CBFB: variants seen among roughly 807,000 people sequenced by gnomAD.
The protein encoded by CBFB is CBF-beta.
In CBFB, 9 loss-of-function variants were observed where a neutral mutation model predicts 30.4. The ratio of observed to expected loss-of-function variants is 0.30; its 90% CI spans 0.18 to 0.52. The LOEUF (loss-of-function observed/expected upper bound fraction) is 0.52. CBFB is among the 20% of genes least tolerant of loss of function. The pLI is 0.97. For missense variants in CBFB, 170 were observed against 244.0 expected (o/e 0.70, Z 2.02); for synonymous variants, 94 against 84.0 (o/e 1.12, Z -0.65).
At chr16:67,051,912 TAC>T (rs112469458) in intron 3 of CBFB, among the ~76,000 whole-genome samples, 13,192 of 143,508 alleles carry the variant, frequency 0.092, 968 homozygotes, top group African/African-American at 0.21. Context: ...TATATGTGTA[TAC>T]ACACACACAC....
chr16:67,048,540 A>G (rs905692711), intron 3 of CBFB, among the ~76,000 whole-genome samples: 3 of 151,926 alleles, frequency 2.0e-5, no homozygotes, highest in African/African-American at 7.3e-5. Context: ...CAATTACACA[A>G]CTGAATGGTG....
intron 2 of CBFB, among the ~76,000 whole-genome samples, chr16:67,031,551 C>T (rs1384469323): frequency 6.6e-6 from 1 of 152,200 alleles, no homozygotes; most frequent in African/African-American, 2.4e-5. Context: ...GCTCTGTTAC[C>T]CAGGCTGGAA....
chr16:67,069,310 C>G (rs528390449), intron 4 of CBFB, among the ~76,000 whole-genome samples: 1 of 151,388 alleles, frequency 6.6e-6, no homozygotes, highest in African/African-American at 2.4e-5. Flanking sequence ...GCAGAGGTTG[C>G]AGCAAGCCAA....
At chr16:67,078,381 C>G (rs1961466113) in intron 4 of CBFB, among the ~76,000 whole-genome samples, 1 of 152,036 alleles carries the variant, frequency 6.6e-6, no homozygotes, top group African/African-American at 2.4e-5. Context: ...GACCTCATCT[C>G]TCTATAAAAA....
At position 67,030,238 on chromosome 16, in the gene CBFB, C is replaced by G. The variant is rs9673615; in HGVS notation, c.165+425C>G. ...TCGGTAATTCTCTGTGTCAAGCGGT[C>G]TCACTACCAGATCGCCGAGTAGAAA... On this transcript the variant is annotated intron_variant, in intron 2 of 5. Transcript: ENST00000412916. The G allele has an allele frequency of 2.6e-3, 427 of 161,642 alleles. 2 individuals are homozygous for G. Among genetic ancestry groups the G allele is most frequent in the African/African-American group, 9.2e-3 (383 of 41,722 alleles). The allele number at this position is 161,642 out of a possible 1,614,324, so 10.0% of individuals were successfully genotyped here. A position where few individuals can be genotyped will look rare whatever the true frequency, so the allele number is the denominator to read the frequency against.
intron 3 of CBFB, among the ~76,000 whole-genome samples, chr16:67,053,248 C>CT (rs576629599): frequency 0.027 from 3,309 of 122,664 alleles, 138 homozygotes; most frequent in African/African-American, 0.068. Flanking sequence ...CACTTTCTCT[C>CT]TTTTTTTTTT....
At chr16:67,097,655 A>G (rs1056188395) in intron 5 of CBFB, among the ~76,000 whole-genome samples, 1 of 152,056 alleles carries the variant, frequency 6.6e-6, no homozygotes, top group African/African-American at 2.4e-5. Flanking sequence ...AAAGTGCTAC[A>G]TTTTTCAGTC....
chr16:67,042,109 A>G (rs1966542029), intron 3 of CBFB, among the ~76,000 whole-genome samples: 1 of 151,640 alleles, frequency 6.6e-6, no homozygotes, highest in African/African-American at 2.4e-5. Flanking sequence ...TTTTTTGTGG[A>G]GATGGGGTTC....
At chr16:67,044,756 A>G (rs1206594983) in intron 3 of CBFB, among the ~76,000 whole-genome samples, 1 of 152,166 alleles carries the variant, frequency 6.6e-6, no homozygotes, top group East Asian at 1.9e-4. Flanking sequence ...ACCATCCACA[A>G]TTTGGCAGAG....
At chr16:67,069,041 C>G (rs572718828) in intron 4 of CBFB, among the ~76,000 whole-genome samples, 5 of 152,186 alleles carry the variant, frequency 3.3e-5, no homozygotes, top group Admixed American at 3.3e-4. Flanking sequence ...ATGGTGAAAC[C>G]CCATCTCTAC....
chr16:67,062,991 A>G (rs1308046892), intron 3 of CBFB, among the ~76,000 whole-genome samples: 1 of 152,122 alleles, frequency 6.6e-6, no homozygotes, highest in Non-Finnish European at 1.5e-5. Context: ...TCCCCAGTGC[A>G]TGCTACTCCG....
intron 3 of CBFB, among the ~76,000 whole-genome samples, chr16:67,058,115 A>G (rs1208176617): frequency 6.6e-6 from 1 of 151,710 alleles, no homozygotes; most frequent in African/African-American, 2.4e-5. Context: ...ACATCACACT[A>G]GTTATTCAAA....
chr16:67,097,401 C>T (rs1015041891), intron 5 of CBFB, among the ~76,000 whole-genome samples: 18 of 152,082 alleles, frequency 1.2e-4, no homozygotes, highest in African/African-American at 4.1e-4. Context: ...CAAAATTAGC[C>T]GGGCGTGGTG....
At chr16:67,082,038 C>T (rs1475089189) in intron 4 of CBFB, 175 bp from the exon 5 acceptor site, 9 of 336,482 alleles carry the variant, frequency 2.7e-5, no homozygotes, top group Middle Eastern at 9.5e-4. Context: ...AGGCTGGTGT[C>T]GAACTCCTGA....
chr16:67,042,286 A>G (rs1346857582), intron 3 of CBFB, among the ~76,000 whole-genome samples: 2 of 152,028 alleles, frequency 1.3e-5, no homozygotes, highest in Admixed American at 6.6e-5. Context: ...CTCTTGACTG[A>G]CTAGGACGAC....
chr16:67,058,715 C>A (rs1003288863), intron 3 of CBFB, among the ~76,000 whole-genome samples: 1 of 152,150 alleles, frequency 6.6e-6, no homozygotes, highest in African/African-American at 2.4e-5. Context: ...TTCTATTAAT[C>A]AGTATTTAAA....
In CBFB at chr16:67,100,299, CTGAT is replaced by C; in HGVS notation, c.*1522_*1525del. ...TTAAAAAGCATATAACTGTACTTGA[CTGAT>C]GAGGGAGGTGTTACTTTCATTGTAT... is the stretch of plus-strand genomic sequence containing the variant. On this transcript the variant is annotated 3_prime_UTR_variant, in exon 6 of 6. Transcript: ENST00000412916. The C allele has an allele frequency of 4.5e-6, 1 of 222,000 alleles. No homozygotes were observed. Among genetic ancestry groups the C allele is most frequent in the East Asian group, 6.6e-5 (1 of 15,042 alleles). 13.8% of individuals were successfully genotyped at this position (222,000 alleles called of 1,614,324 possible). A position where few individuals can be genotyped will look rare whatever the true frequency, so the allele number is the denominator to read the frequency against.
At chr16:67,046,939 A>G (rs914686614) in intron 3 of CBFB, among the ~76,000 whole-genome samples, 3 of 152,162 alleles carry the variant, frequency 2.0e-5, no homozygotes, top group Non-Finnish European at 4.4e-5. Flanking sequence ...ACAGTTGGAA[A>G]GTATTATCTG....
At chr16:67,092,838 G>C (rs184852917) in intron 5 of CBFB, among the ~76,000 whole-genome samples, 3 of 149,850 alleles carry the variant, frequency 2.0e-5, no homozygotes, top group African/African-American at 7.4e-5. Flanking sequence ...TCAGCCTCCC[G>C]AGTAGCTGGG....
Sources: gnomAD v4.1 joint callset for allele counts (sites outside exome capture counted in the v4.1 genomes callset) on GRCh38, gnomAD v4.1.1 for gene constraint, MANE v1.5 for transcripts, NCBI Gene and HGNC (gene_info 2026-07-23, HGNC 2026-07-21) for gene names.